UBE2Q1: variants seen among roughly 807,000 people sequenced by gnomAD.
The protein encoded by UBE2Q1 is ubiquitin-conjugating enzyme E2 Q1.
Under a neutral mutation model 60.1 loss-of-function variants are expected in UBE2Q1, and 6 were observed. That is an observed-to-expected ratio of 0.10 (90% CI 0.05 to 0.20). UBE2Q1 has a LOEUF of 0.20. Among genes scored for constraint, UBE2Q1 ranks in the 10% least tolerant of loss-of-function variants. The probability of loss-of-function intolerance (pLI) is 1.00; values close to 1 mark genes in which losing one functional copy is unlikely to be tolerated. For synonymous variants in UBE2Q1, 226 were observed against 208.3 expected, an observed-to-expected ratio of 1.09 and a Z score of -0.73; for missense variants, 262 against 525.8, an observed-to-expected ratio of 0.50 and a Z score of 4.91.
chr1:154,551,219 G>A (rs1209226597), intron 11 of UBE2Q1, 178 bp downstream of exon 11: 4 of 813,452 alleles, frequency 4.9e-6, no homozygotes, highest in South Asian at 1.7e-5. Flanking sequence ...TCCTAGGGGT[G>A]CCCCTAGGGG....
rs371275328 is a variant in UBE2Q1, at chr1:154,552,117, G to A, written c.942C>T (p.Phe314=). The change falls in exon 8 of 13, where the codon TTC becomes TTT. Residue 314 remains phenylalanine, a synonymous_variant. Transcript: ENST00000292211. ...QILKEKEGAD[F]ILLNFSFKDN... ...CTTTAAAGGAAAAGTTAAGTAGAAT[G>A]AAGTCGGCTCCTTCTTTCTCTTTGA... 54 of 1,614,248 alleles carry A rather than the reference G, an allele frequency of 3.3e-5. No individual in the cohort carries two copies. In the East Asian group the frequency reaches 5.6e-4, roughly 17 times the overall value.
chr1:154,556,036 T>C, intron 1 of UBE2Q1, 72 bp from the exon 2 acceptor site: 1 of 1,376,430 alleles, frequency 7.3e-7, no homozygotes. Context: ...GCCTGTCCTC[T>C]TCCCCCCAAG....
At chr1:154,552,214 C>G in intron 7 of UBE2Q1, 31 bp from the exon 8 acceptor site, 1 of 1,613,558 alleles carries the variant, frequency 6.2e-7, no homozygotes, top group Non-Finnish European at 8.5e-7. Flanking sequence ...GCTCAGATGC[C>G]TGGTTCCACC....
At chr1:154,557,486 T>C (rs748549115) in intron 1 of UBE2Q1, among the ~76,000 whole-genome samples, 2 of 152,202 alleles carry the variant, frequency 1.3e-5, no homozygotes, top group Non-Finnish European at 1.5e-5. Flanking sequence ...ATGCAACTGT[T>C]ACTGCTTAGA....
rs759119435 is a variant in UBE2Q1 at position 154,550,904 on chromosome 1, G to T, written c.1237+34C>A. On this transcript the variant is annotated intron_variant, in intron 12 of 12. Transcript: ENST00000292211. ...AAGTGAAAACCTGGGTGTGGCAAGTGTCCGAATCTCCTGAGTCCTGGCTCC... is the reference window on the plus strand; with the variant it reads ...AAGTGAAAACCTGGGTGTGGCAAGTTTCCGAATCTCCTGAGTCCTGGCTCC... The T allele has an allele frequency of 2.5e-6, 4 of 1,614,046 alleles. No individual in the cohort carries two copies. The South Asian group carries it at 4.4e-5, about 18-fold the overall frequency.
Position 154,558,611 on chromosome 1 carries a change from G to GGCT in UBE2Q1, c.-61_-59dup. The GGCT allele has an allele frequency of 2.1e-6, 2 of 953,648 alleles. No individual in the cohort carries two copies. Among genetic ancestry groups the GGCT allele is most frequent in the South Asian group, 4.8e-5 (1 of 20,688 alleles). 59.1% of individuals were successfully genotyped at this position (953,648 alleles called of 1,614,324 possible). On this transcript the variant is annotated 5_prime_UTR_variant, in exon 1 of 13. Transcript: ENST00000292211. ...CCGGGAGCCTCCGGCCTGCGCTCCG[G>GGCT]GCTCCGCCGCCGCCGCCGCCGCCGC...
intron 3 of UBE2Q1, 96 bp from the exon 4 acceptor site, chr1:154,554,881 T>C (rs1243877723): frequency 7.7e-7 from 1 of 1,306,544 alleles, no homozygotes; most frequent in Non-Finnish European, 1.1e-6. Flanking sequence ...GTCTGGAAGT[T>C]GTGCGCCTGC....
intron 12 of UBE2Q1, chr1:154,550,699 G>A (rs1045786783): frequency 4.1e-6 from 4 of 985,382 alleles, no homozygotes; most frequent in Non-Finnish European, 4.8e-6. Flanking sequence ...TTTTTCAAAA[G>A]GTGGTCAAGA....
At chr1:154,552,569 G>C (rs1557844926) in intron 6 of UBE2Q1, 105 bp from the exon 7 acceptor site, 1 of 1,482,286 alleles carries the variant, frequency 6.7e-7, no homozygotes, top group East Asian at 2.3e-5. Context: ...AACAGCTCTA[G>C]GTTCACCACA....
At position 154,550,684 on chromosome 1, in the gene UBE2Q1, T is replaced by C; in HGVS notation, c.1238-215A>G. On this transcript the variant is annotated intron_variant, in intron 12 of 12. Coordinates refer to ENST00000292211, the MANE Select transcript of UBE2Q1 (RefSeq NM_017582.7). ...AACCTGAGATGATGGGAGAGTTAGA[T>C]GAGCTTTTTCAAAAGGTGGTCAAGA... The C allele has an allele frequency of 4.1e-6, 4 of 985,260 alleles. No individual in the cohort carries two copies. The South Asian group carries it at 1.4e-4, about 35-fold the overall frequency. 61.0% of individuals were successfully genotyped at this position (985,260 alleles called of 1,614,324 possible). A position where few individuals can be genotyped will look rare whatever the true frequency, so the allele number is the denominator to read the frequency against.
chr1:154,552,409 G>A lies in UBE2Q1; in HGVS notation c.870C>T (p.Leu290=), dbSNP rs1431059691. The A allele has an allele frequency of 1.2e-6, 2 of 1,614,206 alleles. No homozygotes were observed. The highest frequency in any genetic ancestry group is 3.3e-5 in the Admixed American group (2 of 60,028). ...NDSLYDWNVK[L]LKVDQDSALH... ...ATCCCAGAGTCCCCACTCACTTGAG[G>A]AGTTTGACATTCCAATCATACAGAC... The change falls in exon 7 of 13, where the codon CTC becomes CTT. Residue 290 remains leucine (L), a synonymous_variant. Transcript: ENST00000292211.
Position 154,552,193 on chromosome 1 carries a change from A to G in UBE2Q1, c.876-10T>C, listed in dbSNP as rs748974767. ...GCTGTCCTGGTCAACTCTAAGAAGC[A>G]ACAAGCCTGGGCTCAGATGCCTGGT... On this transcript the variant is annotated splice_polypyrimidine_tract_variant and intron_variant, in intron 7 of 12. Transcript: ENST00000292211. 9 of 1,614,194 alleles carry G rather than the reference A, an allele frequency of 5.6e-6. No individual in the cohort carries two copies. Among genetic ancestry groups the G allele is most frequent in the Non-Finnish European group, 6.8e-6 (8 of 1,180,024 alleles).
intron 1 of UBE2Q1, among the ~76,000 whole-genome samples, chr1:154,556,302 C>G (rs2149362768): frequency 6.6e-6 from 1 of 152,302 alleles, no homozygotes; most frequent in South Asian, 2.1e-4. Context: ...TATACAAGTT[C>G]TAGACTTCAA....
intron 3 of UBE2Q1, chr1:154,555,153 T>C: frequency 1.8e-6 from 1 of 560,906 alleles, no homozygotes; most frequent in Non-Finnish European, 3.2e-6. Context: ...CCAACTGTTA[T>C]TGCTAAGATA....
intron 1 of UBE2Q1, among the ~76,000 whole-genome samples, chr1:154,557,240 G>C (rs921933924): frequency 6.6e-6 from 1 of 152,196 alleles, no homozygotes; most frequent in South Asian, 2.1e-4. Flanking sequence ...AGGCTACTCC[G>C]ATTAGGTCTG....
At chr1:154,551,677 T>A (rs1695792392) in intron 10 of UBE2Q1, 94 bp downstream of exon 10, 3 of 1,554,642 alleles carry the variant, frequency 1.9e-6, no homozygotes, top group Admixed American at 1.7e-5. Context: ...AAGGGCCACA[T>A]CATGTCTATC....
intron 11 of UBE2Q1, 123 bp downstream of exon 11, chr1:154,551,274 C>A: frequency 1.9e-6 from 2 of 1,079,758 alleles, no homozygotes; most frequent in Non-Finnish European, 2.8e-6. Context: ...GCCCTCTCAT[C>A]CAATGCCACC....
chr1:154,551,638 G>C (rs921569081), intron 10 of UBE2Q1, 133 bp downstream of exon 10: 1 of 1,463,978 alleles, frequency 6.8e-7, no homozygotes, highest in Non-Finnish European at 9.5e-7. Flanking sequence ...GTCTAGGTCA[G>C]TGGGTGCAGA....
In UBE2Q1 at chr1:154,549,594, C is replaced by A. The variant is rs1395148529; in HGVS notation, c.*844G>T. 7 of 152,650 alleles carry A rather than the reference C, an allele frequency of 4.6e-5. No individual in the cohort carries two copies. Among genetic ancestry groups the A allele is most frequent in the Non-Finnish European group, 5.9e-5 (4 of 68,058 alleles). 9.5% of individuals were successfully genotyped at this position (152,650 alleles called of 1,614,324 possible). On this transcript the variant is annotated 3_prime_UTR_variant, in exon 13 of 13. Transcript: ENST00000292211. Reference sequence around the variant, plus strand: ...CATACACACTTGGAGACTGTGTCCCCATCCCCACTCAATTCATTCAAAAGG... The same window carrying A: ...CATACACACTTGGAGACTGTGTCCCAATCCCCACTCAATTCATTCAAAAGG...
Sources: allele counts gnomAD v4.1 joint callset (sites outside exome capture counted in the v4.1 genomes callset), GRCh38; gene constraint gnomAD v4.1.1; transcripts MANE v1.5; gene names NCBI Gene and HGNC (gene_info 2026-07-23, HGNC 2026-07-21).